Variants in L3MBTL4 observed in about 807,000 individuals in gnomAD.
L3MBTL4 encodes lethal(3)malignant brain tumor-like protein 4.
Under a neutral mutation model 84.5 loss-of-function variants are expected in L3MBTL4, and 70 were observed. The observed-to-expected ratio is 0.83, with a 90% CI of 0.68 to 1.01. The LOEUF (loss-of-function observed/expected upper bound fraction) is 1.01, where lower values mean the gene tolerates loss of function less well. L3MBTL4 is among the 50% of genes least tolerant of loss of function. The pLI is 0.00. For missense variants in L3MBTL4, 715 were observed against 754.8 expected (o/e 0.95, Z 0.62); for synonymous variants, 274 against 259.8 (o/e 1.05, Z -0.52).
In L3MBTL4 at chr18:6,051,538, CA is replaced by C. The variant is rs71370540; in HGVS notation, c.1444+29342del. Among the ~76,000 whole-genome samples, 427 of 138,214 alleles carry C rather than the reference CA, an allele frequency of 3.1e-3. 1 individual carries two copies. The highest frequency in any genetic ancestry group is 4.7e-3 in the African/African-American group (180 of 38,054). The allele number at this position is 138,214 out of a possible 152,430, so 90.7% of individuals were successfully genotyped here. A position where few individuals can be genotyped will look rare whatever the true frequency, so the allele number is the denominator to read the frequency against. On this transcript the variant is annotated intron_variant, in intron 16 of 18. Transcript: ENST00000317931. ...TGGGCGGCGCAGCAAGGCTCTGTCT[CA>C]AAAAAAAAAAAAGGAAGAAACGAAT...
Position 6,311,861 on chromosome 18 carries a change from C to T in L3MBTL4, c.-32+137G>A, listed in dbSNP as rs1468373144. 1.3e-5 allele frequency: 5 copies of T among 393,638 alleles called. 1 individual carries two copies. The East Asian group carries it at 1.4e-4, about 11-fold the overall frequency. 24.4% of individuals were successfully genotyped at this position (393,638 alleles called of 1,614,324 possible). A position where few individuals can be genotyped will look rare whatever the true frequency, so the allele number is the denominator to read the frequency against. On this transcript the variant is annotated intron_variant, in intron 2 of 18. Transcript: ENST00000317931. Reference sequence around the variant, plus strand: ...GGGGAGGGCAATGCGTTTACTACCTCATCTAGAATTTATATCATGGGGAAA... The same window carrying T: ...GGGGAGGGCAATGCGTTTACTACCTTATCTAGAATTTATATCATGGGGAAA...
At chr18:6,032,383 G>T in intron 16 of L3MBTL4, 23 of 395,796 alleles carry the variant, frequency 5.8e-5, no homozygotes, top group Middle Eastern at 1.3e-3. Context: ...CATGAAATAT[G>T]TTACACACAC....
intron 3 of L3MBTL4, among the ~76,000 whole-genome samples, chr18:6,306,592 A>G (rs1294373847): frequency 6.6e-6 from 1 of 152,180 alleles, no homozygotes; most frequent in African/African-American, 2.4e-5. Context: ...AGATTGCATT[A>G]CCCTCTGCAA....
intron 12 of L3MBTL4, among the ~76,000 whole-genome samples, chr18:6,178,702 C>T (rs745482582): frequency 8.5e-5 from 13 of 152,094 alleles, no homozygotes; most frequent in Admixed American, 2.6e-4. Flanking sequence ...ATGGTATTAA[C>T]GTTACACATT....
chr18:6,043,591 T>C (rs1159276481), intron 16 of L3MBTL4, among the ~76,000 whole-genome samples: 1 of 152,170 alleles, frequency 6.6e-6, no homozygotes, highest in African/African-American at 2.4e-5. Context: ...CAATCTTCAT[T>C]ATAGCACTGC....
intron 16 of L3MBTL4, among the ~76,000 whole-genome samples, chr18:6,018,527 CTT>C (rs1237890555): frequency 6.6e-6 from 1 of 152,188 alleles, no homozygotes; most frequent in Non-Finnish European, 1.5e-5. Context: ...GTACTAAAGA[CTT>C]AGTGGCATCA....
In L3MBTL4 at chr18:5,966,760, C is replaced by T. The variant is rs2052372340; in HGVS notation, c.1614+2633G>A. ...CCAAATTTCACTTCTAATGGCACCA[C>T]TCTTTCCCCATTCCTTCAGATGAAC... On this transcript the variant is annotated intron_variant, in intron 17 of 18. Transcript: ENST00000317931. 2.6e-5 allele frequency among the ~76,000 whole-genome samples: 4 copies of T among 152,308 alleles called. No individual in the cohort carries two copies. In the South Asian group the frequency reaches 8.3e-4, roughly 32 times the overall value.
At chr18:6,128,262 A>G (rs1381376191) in intron 14 of L3MBTL4, among the ~76,000 whole-genome samples, 1 of 152,198 alleles carries the variant, frequency 6.6e-6, no homozygotes, top group African/African-American at 2.4e-5. Flanking sequence ...AAGAGAATAA[A>G]AGACAAGGAG....
At chr18:6,144,016 T>A (rs1312107990) in intron 13 of L3MBTL4, among the ~76,000 whole-genome samples, 1 of 151,704 alleles carries the variant, frequency 6.6e-6, no homozygotes, top group Non-Finnish European at 1.5e-5. Context: ...GCTAACACGG[T>A]GAAACCCCGT....
At chr18:6,367,988 T>C (rs766557319) in intron 1 of L3MBTL4, among the ~76,000 whole-genome samples, 3 of 152,198 alleles carry the variant, frequency 2.0e-5, no homozygotes, top group African/African-American at 4.8e-5. Context: ...GGGAGGAACA[T>C]GCTTGGAAGG....
rs1447269979 is a variant in L3MBTL4 at position 6,244,514 on chromosome 18, T to A, written c.294A>T (p.Pro98=). Residue 98 remains proline, a synonymous_variant, in exon 6 of 19, where the codon CCA becomes CCT. Transcript: ENST00000317931. ...CTACAGAAAGCACACAGAATACCGA[T>A]GGATGTCGGGGATCAATGCCTTCTA... ...MRLEGIDPRH[P]SVFCVLSVAE... 6.2e-7 allele frequency: 1 copy of A among 1,613,590 alleles called. No individual in the cohort carries two copies. The highest frequency in any genetic ancestry group is 8.5e-7 in the Non-Finnish European group (1 of 1,179,634).
chr18:6,238,696 T>A (rs1440388059), intron 9 of L3MBTL4, among the ~76,000 whole-genome samples: 2 of 152,116 alleles, frequency 1.3e-5, no homozygotes, highest in Non-Finnish European at 2.9e-5. Context: ...CCAGATGACA[T>A]CTTTCCTCCT....
chr18:6,393,622 G>A (rs1273706639), intron 1 of L3MBTL4, among the ~76,000 whole-genome samples: 1 of 152,136 alleles, frequency 6.6e-6, no homozygotes, highest in Non-Finnish European at 1.5e-5. Context: ...GGAGCCATGG[G>A]GGGCTCCTCT....
intron 16 of L3MBTL4, among the ~76,000 whole-genome samples, chr18:6,066,219 A>T (rs1008735207): frequency 5.9e-5 from 9 of 151,930 alleles, no homozygotes; most frequent in African/African-American, 2.2e-4. Context: ...GTTTCAGAAG[A>T]CCCTTGTTAT....
At chr18:6,348,506 T>C (rs913630140) in intron 1 of L3MBTL4, among the ~76,000 whole-genome samples, 2 of 152,100 alleles carry the variant, frequency 1.3e-5, no homozygotes, top group African/African-American at 2.4e-5. Context: ...AAAGATGATC[T>C]TGAATGAATA....
intron 16 of L3MBTL4, among the ~76,000 whole-genome samples, chr18:6,025,905 G>C (rs1480646610): frequency 1.3e-5 from 2 of 152,208 alleles, no homozygotes; most frequent in Non-Finnish European, 2.9e-5. Context: ...AAAAGGCCTT[G>C]GGCCAGTACC....
At chr18:6,031,391 C>T in intron 16 of L3MBTL4, 1 of 985,434 alleles carries the variant, frequency 1.0e-6, no homozygotes, top group African/African-American at 1.7e-5. Flanking sequence ...ATATGAGGTG[C>T]TACTTCTTTG....
chr18:6,343,263 C>CAG (rs1460996556), intron 1 of L3MBTL4, among the ~76,000 whole-genome samples: 14 of 152,310 alleles, frequency 9.2e-5, no homozygotes, highest in African/African-American at 3.4e-4. Context: ...ATATAGAGAA[C>CAG]ATTCCATCCA....
intron 17 of L3MBTL4, among the ~76,000 whole-genome samples, chr18:5,962,022 G>A (rs1355377973): frequency 1.3e-5 from 2 of 152,182 alleles, no homozygotes; most frequent in Non-Finnish European, 2.9e-5. Context: ...TATGTGTGAG[G>A]CCTCATGCTG....
Sources: gnomAD v4.1 joint callset for allele counts (sites outside exome capture counted in the v4.1 genomes callset) on GRCh38, gnomAD v4.1.1 for gene constraint, MANE v1.5 for transcripts, NCBI Gene and HGNC (gene_info 2026-07-23, HGNC 2026-07-21) for gene names.